EBF1: variants seen among roughly 807,000 people sequenced by gnomAD.
EBF1 encodes the protein transcription factor COE1.
Under a neutral mutation model 68.4 loss-of-function variants are expected in EBF1, and 10 were observed. The observed-to-expected ratio is 0.15, with a 90% CI of 0.09 to 0.25. EBF1 has a LOEUF of 0.25. Ranked by LOEUF, EBF1 falls within the 10% of genes least tolerant of loss-of-function variation. The pLI, the probability that EBF1 is intolerant of heterozygous loss-of-function variation, is 1.00. For missense variants in EBF1, 509 were observed against 794.4 expected, an observed-to-expected ratio of 0.64 and a Z score of 4.32; for synonymous variants, 298 against 299.8, an observed-to-expected ratio of 0.99 and a Z score of 0.06.
chr5:158,994,544 T>C (rs1267618946), intron 6 of EBF1, among the ~76,000 whole-genome samples: 1 of 152,208 alleles, frequency 6.6e-6, no homozygotes, highest in Non-Finnish European at 1.5e-5. Flanking sequence ...GGAACATCCC[T>C]TGCACGCCTT....
At chr5:158,787,076 G>A (rs1344179902) in intron 9 of EBF1, among the ~76,000 whole-genome samples, 1 of 152,170 alleles carries the variant, frequency 6.6e-6, no homozygotes, top group Non-Finnish European at 1.5e-5. Flanking sequence ...ACTCAGAGAT[G>A]TAATAAAAGT....
chr5:159,087,451 T>TAC (rs144132427), intron 4 of EBF1, among the ~76,000 whole-genome samples: 3 of 148,730 alleles, frequency 2.0e-5, no homozygotes, highest in African/African-American at 7.4e-5. Flanking sequence ...CATATATATA[T>TAC]ACACACACAC....
At chr5:158,745,250 C>T (rs1269925557) in intron 10 of EBF1, among the ~76,000 whole-genome samples, 1 of 152,142 alleles carries the variant, frequency 6.6e-6, no homozygotes, top group African/African-American at 2.4e-5. Flanking sequence ...ACATTACAAT[C>T]ACATATTTGT....
chr5:159,059,401 T>G (rs952445735), intron 6 of EBF1, among the ~76,000 whole-genome samples: 1 of 151,380 alleles, frequency 6.6e-6, no homozygotes, highest in African/African-American at 2.4e-5. Flanking sequence ...TAATGTTGAG[T>G]GCACAGTGAT....
chr5:158,819,096 G>C (rs988402562), intron 8 of EBF1, among the ~76,000 whole-genome samples: 1 of 151,892 alleles, frequency 6.6e-6, no homozygotes, highest in African/African-American at 2.4e-5. Context: ...AGAAGGGAAA[G>C]AAAAAGAAGA....
At chr5:158,964,267 A>G (rs1042984181) in intron 6 of EBF1, among the ~76,000 whole-genome samples, 1 of 152,164 alleles carries the variant, frequency 6.6e-6, no homozygotes, top group Non-Finnish European at 1.5e-5. Flanking sequence ...AGGACACTGT[A>G]CATAACTCTT....
At chr5:158,710,586 G>A (rs992094008) in intron 14 of EBF1, among the ~76,000 whole-genome samples, 2 of 152,178 alleles carry the variant, frequency 1.3e-5, no homozygotes, top group Non-Finnish European at 2.9e-5. Context: ...TTGGGGAGTT[G>A]TAAATGTTCA....
In EBF1 at chr5:158,842,077, G is replaced by T. The variant is rs566141216; in HGVS notation, c.555-1967C>A. On this transcript the variant is annotated intron_variant, in intron 6 of 15. Coordinates refer to ENST00000313708, the MANE Select transcript of EBF1 (RefSeq NM_024007.5). The stretch of plus-strand genomic sequence containing the variant: ...TCTGATTTTGAGCTCTCCTTTTCCG[G>T]TACCAAGACCCACACTGTCCTTGCA... Among the ~76,000 whole-genome samples, 3 of 152,234 alleles carry T rather than the reference G, an allele frequency of 2.0e-5. No individual in the cohort carries two copies. In the East Asian group the frequency reaches 5.8e-4, roughly 29 times the overall value.
intron 5 of EBF1, among the ~76,000 whole-genome samples, chr5:159,079,603 T>A (rs911924758): frequency 8.5e-5 from 4 of 47,146 alleles, no homozygotes; most frequent in African/African-American, 6.3e-4. Context: ...TCCTTTTATC[T>A]TTTTTTTTTT....
At chr5:158,757,284 CT>C (rs1770337593) in intron 10 of EBF1, among the ~76,000 whole-genome samples, 1 of 152,150 alleles carries the variant, frequency 6.6e-6, no homozygotes, top group Admixed American at 6.6e-5. Flanking sequence ...CCCTGTTTCC[CT>C]TGTAGGCTTA....
intron 6 of EBF1, among the ~76,000 whole-genome samples, chr5:158,997,912 C>T (rs74778860): frequency 0.011 from 1,712 of 152,282 alleles, 12 homozygotes; most frequent in Non-Finnish European, 0.019. Context: ...TATGTGCCCC[C>T]TCAAGGAATG....
chr5:158,712,395 ACT>A, intron 13 of EBF1, 62 bp from the exon 14 acceptor site: 1 of 1,571,692 alleles, frequency 6.4e-7, no homozygotes, highest in South Asian at 1.2e-5. Flanking sequence ...ATCCTGGAAG[ACT>A]CGGGGAAAGG....
chr5:158,716,731 T>A (rs1353936381), intron 11 of EBF1, among the ~76,000 whole-genome samples: 1 of 152,186 alleles, frequency 6.6e-6, no homozygotes, highest in African/African-American at 2.4e-5. Flanking sequence ...TGCTCTCACC[T>A]CCATGTCATT....
chr5:158,831,222 G>A (rs532276663), intron 7 of EBF1, among the ~76,000 whole-genome samples: 5 of 152,252 alleles, frequency 3.3e-5, no homozygotes, highest in South Asian at 2.1e-4. Context: ...GCTCTGTAAC[G>A]ATGGGGCTAT....
chr5:159,059,581 C>G (rs915599791), intron 6 of EBF1, among the ~76,000 whole-genome samples: 6 of 152,082 alleles, frequency 3.9e-5, no homozygotes, highest in Non-Finnish European at 1.5e-5. Flanking sequence ...TTAATTTAAC[C>G]CTTTGAAACA....
intron 6 of EBF1, among the ~76,000 whole-genome samples, chr5:159,026,400 C>A (rs1444440842): frequency 6.6e-6 from 1 of 151,940 alleles, no homozygotes; most frequent in Non-Finnish European, 1.5e-5. Context: ...ACATTTAAGA[C>A]TACAGGAGAA....
intron 8 of EBF1, among the ~76,000 whole-genome samples, chr5:158,819,559 G>A (rs1441604618): frequency 6.6e-6 from 1 of 152,096 alleles, no homozygotes; most frequent in Non-Finnish European, 1.5e-5. Context: ...GCCCCTCAAT[G>A]ACTCCCCAGA....
rs577472789 is a variant in EBF1 at position 158,790,421 on chromosome 5, C to A, written c.909+5924G>T. On this transcript the variant is annotated intron_variant, in intron 9 of 15. Coordinates refer to ENST00000313708, the MANE Select transcript of EBF1 (RefSeq NM_024007.5). ...GTCCAACCACTTTGTGATTGAATTT[C>A]ATGACTTGGCTCCATTAACATGAAA... 5.3e-5 allele frequency among the ~76,000 whole-genome samples: 8 copies of A among 152,266 alleles called. No individual in the cohort carries two copies. In the South Asian group the frequency reaches 1.7e-3, roughly 32 times the overall value.
At chr5:158,842,903 T>A (rs552974378) in intron 6 of EBF1, among the ~76,000 whole-genome samples, 11 of 152,322 alleles carry the variant, frequency 7.2e-5, no homozygotes, top group Non-Finnish European at 8.8e-5. Flanking sequence ...TCAGACAGTG[T>A]AGCTCCAGAG....
Sources: gnomAD v4.1 joint callset for allele counts (sites outside exome capture counted in the v4.1 genomes callset) on GRCh38, gnomAD v4.1.1 for gene constraint, MANE v1.5 for transcripts, NCBI Gene and HGNC (gene_info 2026-07-23, HGNC 2026-07-21) for gene names.